Variants in SCN9A observed in about 807,000 individuals in gnomAD.
SCN9A encodes the protein sodium voltage-gated channel alpha subunit 9, also known as sodium channel protein type 9 subunit alpha.
Under a neutral mutation model 187.0 loss-of-function variants are expected in SCN9A, and 131 were observed. That is an observed-to-expected ratio of 0.70 (90% confidence interval 0.61 to 0.81). The LOEUF is 0.81. SCN9A is among the 30% of genes least tolerant of loss of function. The probability of loss-of-function intolerance (pLI) is 0.00; values close to 1 mark genes in which losing one functional copy is unlikely to be tolerated. For synonymous variants in SCN9A, 809 were observed against 808.6 expected (o/e 1.00, Z -0.01); for missense variants, 2,252 against 2,396.6 (o/e 0.94, Z 1.26).
At chr2:166,256,768 A>G (rs188572267) in intron 17 of SCN9A, among the ~76,000 whole-genome samples, 248 of 151,740 alleles carry the variant, frequency 1.6e-3, no homozygotes, top group African/African-American at 5.0e-3. Context: ...CATGATATAT[A>G]GTATTCTGTT....
rs1697281924 is a variant in SCN9A, at chr2:166,277,331, G to A, written c.2526C>T (p.Val842=). The change falls in exon 16 of 27, where the codon GTC becomes GTT. Residue 842 remains valine (V), a synonymous_variant. Transcript: ENST00000642356. ...TTGGCCAGGATTTTGCCAACTTGAA[G>A]ACTCGGAGCTAAAAGCAAATATAAA... is the stretch of plus-strand genomic sequence containing the variant. The part of the protein sequence containing the change: ...SVLRSFRLLR[V]FKLAKSWPTL... 1 of 1,602,518 alleles carries A rather than the reference G, an allele frequency of 6.2e-7. No individual in the cohort carries two copies. Among genetic ancestry groups the A allele is most frequent in the Admixed American group, 1.7e-5 (1 of 59,436 alleles).
chr2:166,329,574 G>T (rs1699448375), intron 1 of SCN9A, among the ~76,000 whole-genome samples: 1 of 150,748 alleles, frequency 6.6e-6, no homozygotes, highest in Admixed American at 6.6e-5. Context: ...GTTGGGGGGG[G>T]GTTGTTGTTG....
At chr2:166,307,179 A>G (rs1698790569) in intron 2 of SCN9A, 105 bp from the exon 3 acceptor site, 1 of 641,312 alleles carries the variant, frequency 1.6e-6, no homozygotes. Flanking sequence ...TATTGAAGAA[A>G]CACTGCCATC....
In SCN9A at chr2:166,199,512, G is replaced by T. The variant is rs746833579; in HGVS notation, c.5127C>A (p.Asn1709Lys). The T allele has an allele frequency of 6.2e-7, 1 of 1,614,190 alleles. No individual in the cohort carries two copies. The highest frequency in any genetic ancestry group is 2.2e-5 in the East Asian group (1 of 44,882). Residue 1709 changes from asparagine (N) to lysine (K), a missense_variant, in exon 27 of 27, where the codon AAC (asparagine) becomes AAA (lysine). Around this residue, in one of 7 missense-constraint regions of SCN9A, gnomAD observed 345 missense variants for 344.6 expected, o/e 1.00. Transcript: ENST00000642356. ...TTGGGTCACAGTCGGGTGGCTTACT[G>T]TTAAGAATAGGTGCTAGCAATCCAT... ...GWDGLLAPILNSKPPDCDPKK... is the reference protein window; with the variant it reads ...GWDGLLAPILKSKPPDCDPKK...
intron 24 of SCN9A, among the ~76,000 whole-genome samples, chr2:166,223,701 T>G (rs1010354015): frequency 6.6e-6 from 1 of 152,192 alleles, no homozygotes; most frequent in Non-Finnish European, 1.5e-5. Flanking sequence ...ACTTAAAAAT[T>G]TTGTTAAGCA....
At chr2:166,288,898 A>AT (rs540274018) in intron 9 of SCN9A, among the ~76,000 whole-genome samples, 103 of 152,186 alleles carry the variant, frequency 6.8e-4, no homozygotes, top group Middle Eastern at 3.4e-3. Flanking sequence ...AAAATCATGC[A>AT]TTTTTTCCTA....
At chr2:166,301,573 A>G (rs1412491394) in intron 7 of SCN9A, 1 of 150,816 alleles carries the variant, frequency 6.6e-6, no homozygotes, top group Non-Finnish European at 1.5e-5. Flanking sequence ...TTTGTTGAAA[A>G]TTTTTCTTTT....
chr2:166,318,844 T>G (rs560644731), intron 1 of SCN9A, among the ~76,000 whole-genome samples: 1 of 152,204 alleles, frequency 6.6e-6, no homozygotes, highest in South Asian at 2.1e-4. Flanking sequence ...TATCTTAGAT[T>G]TTTCTATATA....
intron 17 of SCN9A, among the ~76,000 whole-genome samples, chr2:166,271,422 C>A (rs977519489): frequency 6.6e-6 from 1 of 151,992 alleles, no homozygotes; most frequent in Admixed American, 6.6e-5. Flanking sequence ...AAATCCCAAG[C>A]AAAGTGTGGA....
intron 21 of SCN9A, among the ~76,000 whole-genome samples, chr2:166,231,049 C>T (rs1695060948): frequency 6.6e-6 from 1 of 152,178 alleles, no homozygotes; most frequent in Non-Finnish European, 1.5e-5. Flanking sequence ...ACTAAATAGA[C>T]ATTTGCCTCT....
intron 14 of SCN9A, 70 bp from the exon 15 acceptor site, chr2:166,278,383 CTG>C: frequency 2.4e-6 from 3 of 1,252,078 alleles, no homozygotes; most frequent in Non-Finnish European, 3.3e-6. Context: ...ATAATAATCA[CTG>C]TTTGCTTAGC....
chr2:166,206,470 C>G (rs1230327596), intron 24 of SCN9A, among the ~76,000 whole-genome samples: 1 of 152,032 alleles, frequency 6.6e-6, no homozygotes, highest in South Asian at 2.1e-4. Flanking sequence ...ACAATGAGAA[C>G]ACATGGACAC....
At chr2:166,321,793 CTTT>C (rs142400656) in intron 1 of SCN9A, among the ~76,000 whole-genome samples, 69,470 of 118,262 alleles carry the variant, frequency 0.59, 17,404 homozygotes, top group African/African-American at 0.69. Context: ...CTGGCAAAAT[CTTT>C]TTTTTTTTTT....
chr2:166,301,212 G>A (rs1698544686), intron 7 of SCN9A: 1 of 148,332 alleles, frequency 6.7e-6, no homozygotes, highest in South Asian at 2.1e-4. Context: ...GGCTGTCTGT[G>A]TACATAGAGA....
chr2:166,215,494 A>G (rs1694291243), intron 24 of SCN9A, among the ~76,000 whole-genome samples: 1 of 152,074 alleles, frequency 6.6e-6, no homozygotes, highest in Non-Finnish European at 1.5e-5. Flanking sequence ...GTTTTTTTGA[A>G]AAGATAAAAT....
intron 1 of SCN9A, among the ~76,000 whole-genome samples, chr2:166,372,144 C>G (rs1476632375): frequency 6.6e-6 from 1 of 151,918 alleles, no homozygotes; most frequent in Non-Finnish European, 1.5e-5. Flanking sequence ...ATGAAAATGA[C>G]ACAATCATTT....
chr2:166,311,370 A>ATATATATATATG (rs1559034491), intron 2 of SCN9A, 129 bp downstream of exon 2: 1 of 121,860 alleles, frequency 8.2e-6, no homozygotes, highest in African/African-American at 3.3e-5. Context: ...ATATATATAT[A>ATATATATATATG]TATATATTTA....
At chr2:166,243,212 A>T (rs1468812140) in intron 18 of SCN9A, among the ~76,000 whole-genome samples, 1 of 152,064 alleles carries the variant, frequency 6.6e-6, no homozygotes, top group African/African-American at 2.4e-5. Context: ...TGTGACTTTA[A>T]ATTTTTATGT....
At chr2:166,222,370 C>T (rs534478592) in intron 24 of SCN9A, among the ~76,000 whole-genome samples, 1 of 152,350 alleles carries the variant, frequency 6.6e-6, no homozygotes, top group South Asian at 2.1e-4. Context: ...TGGCTCATGC[C>T]TGTTATCCCA....
Sources: allele counts gnomAD v4.1 joint callset (sites outside exome capture counted in the v4.1 genomes callset), GRCh38; gene constraint gnomAD v4.1.1; regional missense constraint gnomAD v4.1.1; transcripts MANE v1.5; gene names NCBI Gene and HGNC (gene_info 2026-07-23, HGNC 2026-07-21).